PDE6A: variants seen among roughly 807,000 people sequenced by gnomAD.
The protein encoded by PDE6A is phosphodiesterase 6A, also known as rod cGMP-specific 3',5'-cyclic phosphodiesterase subunit alpha.
A neutral mutation model predicts 106.3 loss-of-function variants in PDE6A; 84 were observed. The observed-to-expected ratio is 0.79, with a 90% confidence interval of 0.66 to 0.95. PDE6A has a LOEUF of 0.95. Among genes scored for constraint, PDE6A ranks in the 40% least tolerant of loss-of-function variants. PDE6A has a pLI of 0.00. For synonymous variants in PDE6A, 394 were observed against 386.6 expected (o/e 1.02, Z -0.23); for missense variants, 1,052 against 1,084.9 (o/e 0.97, Z 0.43).
intron 1 of PDE6A, among the ~76,000 whole-genome samples, chr5:149,943,311 T>C (rs944681922): frequency 6.6e-6 from 1 of 152,246 alleles, no homozygotes; most frequent in Non-Finnish European, 1.5e-5. Flanking sequence ...ACAGCACATG[T>C]TTCTGCAAGC....
intron 17 of PDE6A, among the ~76,000 whole-genome samples, chr5:149,873,870 T>G (rs1760642865): frequency 6.6e-6 from 1 of 151,706 alleles, no homozygotes; most frequent in South Asian, 2.1e-4. Context: ...GACCCTAGAT[T>G]AAAATTACTG....
intron 17 of PDE6A, among the ~76,000 whole-genome samples, chr5:149,881,138 C>G (rs955861718): frequency 2.0e-5 from 3 of 152,146 alleles, no homozygotes; most frequent in African/African-American, 7.2e-5. Context: ...AATCCTTATG[C>G]ACTGCTGGTG....
In PDE6A at chr5:149,896,391, G is replaced by A; in HGVS notation, c.1585C>T (p.Leu529Phe). The A allele has an allele frequency of 1.2e-6, 2 of 1,613,964 alleles. No individual in the cohort carries two copies. The highest frequency in any genetic ancestry group is 1.1e-5 in the South Asian group (1 of 91,068). The stretch of plus-strand genomic sequence containing the variant: ...ATGTGAAATTTATCCACCACTTTGA[G>A]CTCATAATACATCTGTATTCCACAT... Reference protein sequence around the residue: ...VKCGIQMYYELKVVDKFHIPQ... With the variant: ...VKCGIQMYYEFKVVDKFHIPQ... Residue 529 changes from leucine (L) to phenylalanine (F), a missense_variant, in exon 12 of 22, where the codon CTC (leucine) becomes TTC (phenylalanine). By Grantham distance (22) the Leu-to-Phe change is conservative (BLOSUM62 0). This residue lies in a region of PDE6A where 913 missense variants were observed against 915.2 expected (regional missense o/e 1.00). Coordinates refer to ENST00000255266, the MANE Select transcript of PDE6A (RefSeq NM_000440.3).
chr5:149,896,450 C>G lies in PDE6A; in HGVS notation c.1526G>C (p.Ser509Thr), dbSNP rs1364067181. 1.2e-6 allele frequency: 2 copies of G among 1,613,972 alleles called. No homozygotes were observed. Among genetic ancestry groups the G allele is most frequent in the African/African-American group, 1.3e-5 (1 of 74,912 alleles). The change falls in exon 12 of 22, where the codon AGT (serine) becomes ACT (threonine). Residue 509 changes from serine to threonine, a missense_variant. By Grantham distance (58) the Ser-to-Thr change is moderately conservative. This residue lies in a region of PDE6A where 913 missense variants were observed against 915.2 expected (regional missense o/e 1.00). Transcript: ENST00000255266. ...CTCCAGTTCTGTTAGGGGTAAGTCA[C>G]TGAAGTGAAATTTATTAATTTCGTA... ...DKYEINKFHFSDLPLTELELV... is the reference protein window; with the variant it reads ...DKYEINKFHFTDLPLTELELV...
intron 21 of PDE6A, among the ~76,000 whole-genome samples, chr5:149,862,175 CA>C (rs1760167309): frequency 6.6e-6 from 1 of 152,152 alleles, no homozygotes; most frequent in Non-Finnish European, 1.5e-5. Context: ...TGTGAGGAAA[CA>C]GATCACACAA....
intron 8 of PDE6A, among the ~76,000 whole-genome samples, chr5:149,902,493 T>A (rs1342222758): frequency 2.9e-5 from 4 of 138,888 alleles, no homozygotes; most frequent in Non-Finnish European, 3.0e-5. Context: ...ATATCTTCCA[T>A]GAAACATTTG....
rs370444995 is a variant in PDE6A, at chr5:149,942,738, A to G, written c.474+1462T>C. Among the ~76,000 whole-genome samples, 37 of 151,980 alleles carry G rather than the reference A, an allele frequency of 2.4e-4. No individual in the cohort carries two copies. In the East Asian group the frequency reaches 6.8e-3, roughly 28 times the overall value. The stretch of plus-strand genomic sequence containing the variant: ...GTGGGGAGAGGTTCAGCGGGAAAAC[A>G]TGTGAGCAAAGGTCTCTGTGTCATA... On this transcript the variant is annotated intron_variant, in intron 1 of 21. Transcript: ENST00000255266.
chr5:149,900,361 C>T (rs552273267), intron 8 of PDE6A, among the ~76,000 whole-genome samples: 7 of 25,230 alleles, frequency 2.8e-4, no homozygotes, highest in East Asian at 6.1e-3. Flanking sequence ...GACTCCATCT[C>T]GAAAAATATA....
intron 20 of PDE6A, among the ~76,000 whole-genome samples, chr5:149,864,046 C>T (rs567969159): frequency 1.3e-5 from 2 of 152,236 alleles, no homozygotes; most frequent in South Asian, 2.1e-4. Context: ...ATTGGAAGCT[C>T]CCAAAGCCCT....
chr5:149,920,846 G>C (rs1753681859), intron 5 of PDE6A, among the ~76,000 whole-genome samples: 1 of 150,886 alleles, frequency 6.6e-6, no homozygotes, highest in African/African-American at 2.4e-5. Context: ...GACCAGCCTA[G>C]GCAACATACA....
intron 4 of PDE6A, 142 bp from the exon 5 acceptor site, chr5:149,921,851 G>GT: frequency 1.4e-6 from 1 of 725,276 alleles, no homozygotes; most frequent in Non-Finnish European, 2.5e-6. Flanking sequence ...TGGAAAGGCA[G>GT]TAAGACTCAC....
chr5:149,908,932 GAAA>G (rs1170395319), intron 6 of PDE6A, among the ~76,000 whole-genome samples: 1 of 152,168 alleles, frequency 6.6e-6, no homozygotes, highest in Non-Finnish European at 1.5e-5. Context: ...GTCTTTGTGA[GAAA>G]GTTTTGATTT....
At chr5:149,897,775 C>G (rs1315995017) in intron 10 of PDE6A, among the ~76,000 whole-genome samples, 1 of 152,012 alleles carries the variant, frequency 6.6e-6, no homozygotes, top group East Asian at 1.9e-4. Flanking sequence ...TTGGTAGAGA[C>G]AGGGTCTCGC....
At chr5:149,896,842 C>A (rs1752774058) in intron 10 of PDE6A, 66 bp from the exon 11 acceptor site, 1 of 1,538,794 alleles carries the variant, frequency 6.5e-7, no homozygotes. Context: ...TTTCCATTCC[C>A]ATTTATCTCC....
At chr5:149,894,252 T>C (rs1452527593) in intron 13 of PDE6A, among the ~76,000 whole-genome samples, 5 of 152,198 alleles carry the variant, frequency 3.3e-5, no homozygotes, top group Non-Finnish European at 7.3e-5. Context: ...GTTGCACTTA[T>C]CTTTTCTCTG....
intron 6 of PDE6A, among the ~76,000 whole-genome samples, chr5:149,911,224 T>C (rs974721110): frequency 2.6e-5 from 4 of 152,166 alleles, no homozygotes; most frequent in African/African-American, 9.6e-5. Context: ...TTCCTCTGCT[T>C]TAGTCCTTAC....
At chr5:149,910,046 T>C (rs1180147545) in intron 6 of PDE6A, among the ~76,000 whole-genome samples, 2 of 152,212 alleles carry the variant, frequency 1.3e-5, no homozygotes, top group Non-Finnish European at 2.9e-5. Flanking sequence ...TCCTTGTATT[T>C]CTGTTAGTTT....
At chr5:149,907,411 A>C in intron 6 of PDE6A, 33 bp from the exon 7 acceptor site, 5 of 1,573,760 alleles carry the variant, frequency 3.2e-6, no homozygotes, top group Non-Finnish European at 4.4e-6. Context: ...GGTGACTCTC[A>C]GTGCAGGGAT....
intron 6 of PDE6A, among the ~76,000 whole-genome samples, chr5:149,907,591 T>G (rs1026653251): frequency 6.6e-6 from 1 of 152,214 alleles, no homozygotes; most frequent in Admixed American, 6.5e-5. Flanking sequence ...TTTTACTGTC[T>G]GCCCACCAAG....
Sources: gnomAD v4.1 joint callset for allele counts (sites outside exome capture counted in the v4.1 genomes callset) on GRCh38, gnomAD v4.1.1 for gene constraint, gnomAD v4.1.1 regional missense constraint, MANE v1.5 for transcripts, NCBI Gene and HGNC (gene_info 2026-07-23, HGNC 2026-07-21) for gene names.